ISYNA1: variants seen among roughly 807,000 people sequenced by gnomAD.
ISYNA1 encodes the protein inositol-3-phosphate synthase 1.
In ISYNA1, 34 loss-of-function variants were observed where a neutral mutation model predicts 50.3. The observed-to-expected ratio is 0.68, with a 90% CI of 0.51 to 0.90. The LOEUF is 0.90. Ranked by LOEUF, ISYNA1 falls within the 40% of genes least tolerant of loss-of-function variation. The pLI, the probability that ISYNA1 is intolerant of heterozygous loss-of-function variation, is 0.00. For synonymous variants in ISYNA1, 396 were observed against 349.9 expected, an observed-to-expected ratio of 1.13 and a Z score of -1.47; for missense variants, 718 against 784.8, an observed-to-expected ratio of 0.91 and a Z score of 1.02.
rs1973985710 is a variant in ISYNA1 at position 18,435,842 on chromosome 19, T to C, written c.1055A>G (p.Lys352Arg). The stretch of plus-strand genomic sequence containing the variant: ...CACCACGTTGCTCTTGGACACCTCC[T>C]TAGAGCGGAACTGCAATGGCGCCGA... ...NLSAPLQFRS[K>R]EVSKSNVVDD... Residue 352 changes from lysine to arginine, a missense_variant, in exon 8 of 11, where the codon AAG becomes AGG. Lys to Arg is a conservative substitution (Grantham distance 26). This residue lies in a region of ISYNA1 where 305 missense variants were observed against 292.6 expected (regional missense o/e 1.04). Coordinates refer to ENST00000338128, the MANE Select transcript of ISYNA1 (RefSeq NM_016368.5). 6.2e-7 allele frequency: 1 copy of C among 1,614,020 alleles called. No homozygotes were observed. Among genetic ancestry groups the C allele is most frequent in the Non-Finnish European group, 8.5e-7 (1 of 1,179,950 alleles).
intron 3 of ISYNA1, 24 bp from the exon 4 acceptor site, chr19:18,437,129 G>A (rs1415005749): frequency 5.8e-6 from 9 of 1,547,974 alleles, no homozygotes; most frequent in South Asian, 1.2e-5. Flanking sequence ...GACACGGCGA[G>A]GTGACGGGTG....
chr19:18,438,038 G>A, intron 1 of ISYNA1, 50 bp from the exon 2 acceptor site: 1 of 1,498,692 alleles, frequency 6.7e-7, no homozygotes, highest in Non-Finnish European at 8.9e-7. Context: ...AAGCGGCCGG[G>A]GCCAAGCCAG....
Position 18,435,036 on chromosome 19 carries a change from A to G in ISYNA1, c.1554T>C (p.Val518=). Residue 518 remains valine (V), a synonymous_variant, in exon 11 of 11, where the codon GTT becomes GTC. Transcript: ENST00000338128. ...MERPGPSLKR[V]GPVAATYPML... ...TAGGGTAGGTGGCAGCCACGGGTCC[A>G]ACTCGCTTGAGGCTGGGCCCTGGGC... 6.2e-7 allele frequency: 1 copy of G among 1,613,624 alleles called. No individual in the cohort carries two copies. Among genetic ancestry groups the G allele is most frequent in the Non-Finnish European group, 8.5e-7 (1 of 1,180,006 alleles).
chr19:18,435,731 C>T, intron 8 of ISYNA1, 26 bp downstream of exon 8: 11 of 1,607,402 alleles, frequency 6.8e-6, no homozygotes, highest in South Asian at 3.3e-5. Context: ...CGGGCAACCC[C>T]GCGCCCGCGC....
chr19:18,435,679 G>A lies in ISYNA1; in HGVS notation c.1141-3C>T. ...TACGGCACATACTTGATGACCACCT[G>A]GAGTGCAGCAGGAGTTTGCCCGGGT... is the stretch of plus-strand genomic sequence containing the variant. On this transcript the variant is annotated splice_region_variant and splice_polypyrimidine_tract_variant and intron_variant, in intron 8 of 10. Transcript: ENST00000338128. 2 of 1,611,790 alleles carry A rather than the reference G, an allele frequency of 1.2e-6. No homozygotes were observed. The highest frequency in any genetic ancestry group is 2.2e-5 in the South Asian group (2 of 90,940).
At position 18,435,558 on chromosome 19, in the gene ISYNA1, C is replaced by G. The variant is rs768027958; in HGVS notation, c.1254+5G>C. The G allele has an allele frequency of 6.2e-7, 1 of 1,603,960 alleles. No homozygotes were observed. The highest frequency in any genetic ancestry group is 8.5e-7 in the Non-Finnish European group (1 of 1,175,668). On this transcript the variant is annotated splice_donor_5th_base_variant and intron_variant, in intron 9 of 10. Transcript: ENST00000338128. ...CCCATAGCAGCCCCTGAAGCCGCGCCGCACCTCACACGTGTTGTGCAGCAC... is the reference window on the plus strand; with the variant it reads ...CCCATAGCAGCCCCTGAAGCCGCGCGGCACCTCACACGTGTTGTGCAGCAC...
chr19:18,437,826 C>G (rs1974126405), intron 2 of ISYNA1, 34 bp downstream of exon 2: 1 of 1,610,070 alleles, frequency 6.2e-7, no homozygotes, highest in South Asian at 1.1e-5. Flanking sequence ...CCCGCTCTCC[C>G]CAGCACGCCT....
rs2144850549 is a variant in ISYNA1 at position 18,435,882 on chromosome 19, C to T, written c.1015G>A (p.Asp339Asn). Residue 339 changes from aspartate (D) to asparagine (N), a missense_variant, in exon 8 of 11, where the codon GAT becomes AAT. This residue lies in a region of ISYNA1 where 10 missense variants were observed against 25.6 expected (regional missense o/e 0.39). Transcript: ENST00000338128. The stretch of plus-strand genomic sequence containing the variant: ...AATGGCGCCGATAGGTTCTCCCCAT[C>T]GTTGTTGCCCAGGTGGTTGTAACTC... Reference protein sequence around the residue: ...IVSYNHLGNNDGENLSAPLQF... With the variant: ...IVSYNHLGNNNGENLSAPLQF... 1.2e-6 allele frequency: 2 copies of T among 1,614,066 alleles called. No individual in the cohort carries two copies. Among genetic ancestry groups the T allele is most frequent in the Non-Finnish European group, 8.5e-7 (1 of 1,179,968 alleles).
Position 18,435,021 on chromosome 19 carries a change from GGCA to G in ISYNA1, c.1566_1568del (p.Ala523del), listed in dbSNP as rs1973902199. The G allele has an allele frequency of 6.2e-7, 1 of 1,613,564 alleles. No individual in the cohort carries two copies. Among genetic ancestry groups the G allele is most frequent in the East Asian group, 2.2e-5 (1 of 44,880 alleles). On this transcript the variant is annotated inframe_deletion, in exon 11 of 11. Coordinates refer to ENST00000338128, the MANE Select transcript of ISYNA1 (RefSeq NM_016368.5). ...CTTTCTTGTTCAACATAGGGTAGGT[GGCA>G]GCCACGGGTCCAACTCGCTTGAGGC...
In ISYNA1 at chr19:18,435,017, A is replaced by ACC. The variant is rs1973901604; in HGVS notation, c.1572_1573insGG (p.Tyr525GlyfsTer5). On this transcript the variant is annotated frameshift_variant, in exon 11 of 11. Transcript: ENST00000338128. LOFTEE classifies it low-confidence loss of function (END_TRUNC). ...GGTCCTTTCTTGTTCAACATAGGGT[A>ACC]GGTGGCAGCCACGGGTCCAACTCGC... 1 of 1,613,400 alleles carries ACC rather than the reference A, an allele frequency of 6.2e-7. No individual in the cohort carries two copies. Among genetic ancestry groups the ACC allele is most frequent in the Admixed American group, 1.7e-5 (1 of 59,998 alleles).
rs768278889 is a variant in ISYNA1, at chr19:18,435,455, A to G, written c.1283T>C (p.Leu428Pro). Reference sequence around the variant, plus strand: ...CAGCTCGGTCAGCAGCGCTAGGTCCAGCATGATGGGTGCGGCCAGCAGCGA... The same window carrying G: ...CAGCTCGGTCAGCAGCGCTAGGTCCGGCATGATGGGTGCGGCCAGCAGCGA... ...EDSLLAAPIM[L>P]DLALLTELCQ... Residue 428 changes from leucine (L) to proline (P), a missense_variant, in exon 10 of 11, where the codon CTG (leucine) becomes CCG (proline). By Grantham distance (98) the Leu-to-Pro change is moderately conservative. Transcript: ENST00000338128. The G allele has an allele frequency of 6.2e-7, 1 of 1,609,632 alleles. No individual in the cohort carries two copies. The highest frequency in any genetic ancestry group is 2.2e-5 in the East Asian group (1 of 44,868).
chr19:18,436,996 G>A lies in ISYNA1; in HGVS notation c.392C>T (p.Ala131Val). 6.2e-7 allele frequency: 1 copy of A among 1,609,562 alleles called. No individual in the cohort carries two copies. Among genetic ancestry groups the A allele is most frequent in the Admixed American group, 1.7e-5 (1 of 59,894 alleles). ...VPFSAVLPMV[A>V]PNDLVFDGWD... ...ACCATCGAACACGAGGTCGTTGGGCGCCACCATGGGCAGCACCGCGCTGAA... is the reference window on the plus strand; with the variant it reads ...ACCATCGAACACGAGGTCGTTGGGCACCACCATGGGCAGCACCGCGCTGAA... Residue 131 changes from alanine (A) to valine (V), a missense_variant, in exon 4 of 11, where the codon GCG becomes GTG. Transcript: ENST00000338128.
intron 5 of ISYNA1, 57 bp downstream of exon 5, chr19:18,436,627 G>C: frequency 6.3e-7 from 1 of 1,594,950 alleles, no homozygotes; most frequent in Non-Finnish European, 8.5e-7. Flanking sequence ...CAAAAAGAGG[G>C]AACCAAGTGG....
chr19:18,438,075 G>C lies in ISYNA1; in HGVS notation c.-10+18C>G, dbSNP rs1052898520. ...CTGGGTCCCCACGGAGGCCGTCCCT[G>C]CCCCGAACCGCACTCACCGGCGCAG... On this transcript the variant is annotated intron_variant, in intron 1 of 10. Transcript: ENST00000338128. 7.7e-7 allele frequency: 1 copy of C among 1,295,790 alleles called. No homozygotes were observed. Among genetic ancestry groups the C allele is most frequent in the African/African-American group, 1.5e-5 (1 of 64,938 alleles). The allele number at this position is 1,295,790 out of a possible 1,614,324, so 80.3% of individuals were successfully genotyped here.
rs1974004036 is a variant in ISYNA1 at position 18,436,060 on chromosome 19, A to G, written c.947T>C (p.Val316Ala). ...SGQTKVKSVL[V>A]DFLIGSGLKT... ...GAGGCCGGAGCCAATGAGGAAGTCCACAAGCACGGACTTGACTTTGGTCTG... is the reference window on the plus strand; with the variant it reads ...GAGGCCGGAGCCAATGAGGAAGTCCGCAAGCACGGACTTGACTTTGGTCTG... The change falls in exon 7 of 11, where the codon GTG (valine) becomes GCG (alanine). Residue 316 changes from valine (V) to alanine (A), a missense_variant. Physicochemically the swap from Val to Ala is moderately conservative, Grantham distance 64. Coordinates refer to ENST00000338128, the MANE Select transcript of ISYNA1 (RefSeq NM_016368.5). 2 of 1,613,384 alleles carry G rather than the reference A, an allele frequency of 1.2e-6. No homozygotes were observed. The highest frequency in any genetic ancestry group is 8.5e-7 in the Non-Finnish European group (1 of 1,179,968).
chr19:18,437,410 C>T (rs1974104556), intron 3 of ISYNA1, 189 bp downstream of exon 3: 2 of 1,128,218 alleles, frequency 1.8e-6, no homozygotes, highest in Admixed American at 3.3e-5. Context: ...TCGCCCCCTG[C>T]AGGTCCCTCG....
At position 18,437,897 on chromosome 19, in the gene ISYNA1, C is replaced by T. The variant is rs767258993; in HGVS notation, c.83G>A (p.Arg28Gln). 12 of 1,612,054 alleles carry T rather than the reference C, an allele frequency of 7.4e-6. No homozygotes were observed. The South Asian group carries it at 1.1e-4, about 15-fold the overall frequency. ...PEAIEAQYEY[R>Q]TTRVSREGGV... ...ACCCTCGCGGCTGACGCGCGTCGTC[C>T]GGTACTCGTATTGCGCCTCGATGGC... is the stretch of plus-strand genomic sequence containing the variant. The change falls in exon 2 of 11, where the codon CGG (arginine) becomes CAG (glutamine). Residue 28 changes from arginine (R) to glutamine (Q), a missense_variant. Coordinates refer to ENST00000338128, the MANE Select transcript of ISYNA1 (RefSeq NM_016368.5).
In ISYNA1 at chr19:18,435,056, C is replaced by T. The variant is rs747117719; in HGVS notation, c.1534G>A (p.Gly512Arg). 6.2e-7 allele frequency: 1 copy of T among 1,613,650 alleles called. No individual in the cohort carries two copies. Among genetic ancestry groups the T allele is most frequent in the South Asian group, 1.1e-5 (1 of 91,084 alleles). ...MLLEHKMERP[G>R]PSLKRVGPVA... ...GGTCCAACTCGCTTGAGGCTGGGCC[C>T]TGGGCGCTCCATTTTGTGTTCCAGG... Residue 512 changes from glycine to arginine, a missense_variant, in exon 11 of 11, where the codon GGG becomes AGG. Physicochemically the swap from Gly to Arg is moderately radical, Grantham distance 125. Transcript: ENST00000338128.
intron 3 of ISYNA1, chr19:18,437,376 C>CCCA: frequency 8.1e-7 from 1 of 1,239,796 alleles, no homozygotes. Flanking sequence ...CCGCCCCCTG[C>CCCA]AAGCCCTCCC....
Sources: allele counts gnomAD v4.1 joint callset, GRCh38; gene constraint gnomAD v4.1.1; regional missense constraint gnomAD v4.1.1; transcripts MANE v1.5; gene names NCBI Gene and HGNC (gene_info 2026-07-23, HGNC 2026-07-21).